The following FAM135B variants were observed in gnomAD, a reference collection of about 807,000 sequenced individuals.
The protein encoded by FAM135B is family with sequence similarity 135 member B.
In FAM135B, 43 loss-of-function variants were observed where a neutral mutation model predicts 127.7. The ratio of observed to expected loss-of-function variants is 0.34; its 90% CI spans 0.26 to 0.43. The LOEUF is 0.43. FAM135B is among the 20% of genes least tolerant of loss of function. FAM135B has a pLI of 1.00. For synonymous variants in FAM135B, 670 were observed against 665.1 expected (o/e 1.01, Z -0.11); for missense variants, 1,558 against 1,725.6 (o/e 0.90, Z 1.72).
At chr8:138,356,259 A>C (rs1035323185) in intron 2 of FAM135B, among the ~76,000 whole-genome samples, 1 of 62,386 alleles carries the variant, frequency 1.6e-5, no homozygotes, top group African/African-American at 5.9e-5. Context: ...AGAGACAGAA[A>C]GGGAAAGAGA....
At chr8:138,135,583 G>A (rs1816586119) in intron 19 of FAM135B, among the ~76,000 whole-genome samples, 2 of 152,138 alleles carry the variant, frequency 1.3e-5, no homozygotes, top group Admixed American at 6.6e-5. Flanking sequence ...CAGTACACGT[G>A]TTGCTGGTAT....
intron 1 of FAM135B, among the ~76,000 whole-genome samples, chr8:138,368,957 A>G (rs1162500840): frequency 6.6e-6 from 1 of 152,158 alleles, no homozygotes; most frequent in East Asian, 1.9e-4. Context: ...TTTTCCAACA[A>G]GAATTTTGTA....
intron 7 of FAM135B, among the ~76,000 whole-genome samples, chr8:138,238,020 G>A (rs1033412637): frequency 6.6e-6 from 1 of 152,122 alleles, no homozygotes; most frequent in Non-Finnish European, 1.5e-5. Context: ...GCTAAAGGAG[G>A]CCTCGGGGAT....
At chr8:138,332,297 T>C (rs536003932) in intron 2 of FAM135B, among the ~76,000 whole-genome samples, 2 of 152,276 alleles carry the variant, frequency 1.3e-5, no homozygotes, top group African/African-American at 4.8e-5. Context: ...CTTCCAGTTT[T>C]AGAAAGATGT....
chr8:138,298,603 G>A (rs933903477), intron 3 of FAM135B, among the ~76,000 whole-genome samples: 15 of 152,102 alleles, frequency 9.9e-5, no homozygotes, highest in African/African-American at 3.1e-4. Context: ...GACCCCAAGC[G>A]AACCAGGACC....
rs994608006 is a variant in FAM135B at position 138,497,115 on chromosome 8, C to T, written c.-464G>A. Among the ~76,000 whole-genome samples, 2 of 151,542 alleles carry T rather than the reference C, an allele frequency of 1.3e-5. No homozygotes were observed. Among genetic ancestry groups the T allele is most frequent in the Non-Finnish European group, 2.9e-5 (2 of 67,852 alleles). On this transcript the variant is annotated 5_prime_UTR_variant, in exon 1 of 20. Coordinates refer to ENST00000395297, the MANE Select transcript of FAM135B (RefSeq NM_015912.4). ...CCCGGGCTGCGCTCACCTCTGGCGC[C>T]CTCACTCCTCTCCTTCCTCCGCCGG...
At chr8:138,235,056 A>C (rs1403899128) in intron 7 of FAM135B, among the ~76,000 whole-genome samples, 3 of 152,214 alleles carry the variant, frequency 2.0e-5, no homozygotes, top group Non-Finnish European at 2.9e-5. Context: ...TTCTGATTTT[A>C]AAAGAAATCA....
At chr8:138,417,402 C>A (rs1302319473) in intron 1 of FAM135B, among the ~76,000 whole-genome samples, 1 of 152,180 alleles carries the variant, frequency 6.6e-6, no homozygotes, top group East Asian at 1.9e-4. Flanking sequence ...AACCCTCTCC[C>A]CATGCTGCTT....
At chr8:138,206,336 C>T (rs1401306932) in intron 7 of FAM135B, among the ~76,000 whole-genome samples, 36 of 129,736 alleles carry the variant, frequency 2.8e-4, no homozygotes, top group Non-Finnish European at 3.1e-4. Flanking sequence ...ATCCCCTCCA[C>T]CTACCCACAA....
intron 7 of FAM135B, among the ~76,000 whole-genome samples, chr8:138,223,414 GA>G (rs888320821): frequency 5.9e-5 from 9 of 152,328 alleles, no homozygotes; most frequent in Middle Eastern, 3.4e-3. Context: ...GGGTCCCAAA[GA>G]AGGGCCTCCT....
At chr8:138,279,979 C>T (rs1187658979) in intron 3 of FAM135B, among the ~76,000 whole-genome samples, 1 of 152,170 alleles carries the variant, frequency 6.6e-6, no homozygotes, top group Non-Finnish European at 1.5e-5. Context: ...TATCTGAAAA[C>T]TCATGCAACC....
At chr8:138,342,391 T>G (rs1019722285) in intron 2 of FAM135B, among the ~76,000 whole-genome samples, 15 of 152,176 alleles carry the variant, frequency 9.9e-5, no homozygotes. Context: ...CATTGCTGCT[T>G]TGGCCTCAAA....
At chr8:138,209,900 GACT>G (rs1818006771) in intron 7 of FAM135B, among the ~76,000 whole-genome samples, 1 of 152,134 alleles carries the variant, frequency 6.6e-6, no homozygotes, top group Non-Finnish European at 1.5e-5. Flanking sequence ...TCCCACATGG[GACT>G]ATTCTGAATT....
At chr8:138,450,003 A>G (rs1836404260) in intron 1 of FAM135B, among the ~76,000 whole-genome samples, 1 of 152,176 alleles carries the variant, frequency 6.6e-6, no homozygotes, top group African/African-American at 2.4e-5. Context: ...TGCCCTAAAA[A>G]TCCTGCCTTC....
At chr8:138,170,171 C>G (rs1274107790) in intron 11 of FAM135B, among the ~76,000 whole-genome samples, 1 of 150,474 alleles carries the variant, frequency 6.6e-6, no homozygotes, top group Admixed American at 6.6e-5. Flanking sequence ...GAGGAAGTTG[C>G]AGGATAGTTG....
chr8:138,371,431 T>C (rs1018202316), intron 1 of FAM135B, among the ~76,000 whole-genome samples: 1 of 152,066 alleles, frequency 6.6e-6, no homozygotes, highest in Non-Finnish European at 1.5e-5. Flanking sequence ...AAGATGCCCA[T>C]GACACATACC....
chr8:138,288,404 T>C (rs1824858742), intron 3 of FAM135B, among the ~76,000 whole-genome samples: 1 of 151,898 alleles, frequency 6.6e-6, no homozygotes, highest in Admixed American at 6.6e-5. Flanking sequence ...CGGGGTGCTG[T>C]GAGGGAAGTG....
intron 1 of FAM135B, among the ~76,000 whole-genome samples, chr8:138,370,440 TG>T (rs1831039945): frequency 6.6e-6 from 1 of 151,986 alleles, no homozygotes; most frequent in South Asian, 2.1e-4. Flanking sequence ...AAAATAATTT[TG>T]GTTTTTGTTT....
In FAM135B at chr8:138,414,315, G is replaced by T. The variant is rs569459474; in HGVS notation, c.-19-46313C>A. Among the ~76,000 whole-genome samples, 3 of 152,108 alleles carry T rather than the reference G, an allele frequency of 2.0e-5. No individual in the cohort carries two copies. In the East Asian group the frequency reaches 5.8e-4, roughly 30 times the overall value. The stretch of plus-strand genomic sequence containing the variant: ...CCATACAACTGAACCATATGTGCCT[G>T]CATGACCTTGTACAAAGGATGATAG... On this transcript the variant is annotated intron_variant, in intron 1 of 19. Transcript: ENST00000395297.
Sources: gnomAD v4.1 joint callset for allele counts (sites outside exome capture counted in the v4.1 genomes callset) on GRCh38, gnomAD v4.1.1 for gene constraint, MANE v1.5 for transcripts, NCBI Gene and HGNC (gene_info 2026-07-23, HGNC 2026-07-21) for gene names.